WDR91: variants seen among roughly 807,000 people sequenced by gnomAD.
The protein encoded by WDR91 is WD repeat domain 91.
Under a neutral mutation model 88.4 loss-of-function variants are expected in WDR91, and 52 were observed. That is an observed-to-expected ratio of 0.59 (90% CI 0.47 to 0.74). The LOEUF is 0.74. Among genes scored for constraint, WDR91 ranks in the 30% least tolerant of loss-of-function variants. The pLI, the probability that WDR91 is intolerant of heterozygous loss-of-function variation, is 0.00. For missense variants in WDR91, 824 were observed against 954.5 expected (o/e 0.86, Z 1.80); for synonymous variants, 362 against 389.5 (o/e 0.93, Z 0.83).
chr7:135,193,923 G>A, intron 9 of WDR91: 1 of 463,998 alleles, frequency 2.2e-6, no homozygotes, highest in South Asian at 2.3e-5. Flanking sequence ...GCGTCACCTT[G>A]GACACATATG....
chr7:135,191,383 G>A (rs1169321087), intron 11 of WDR91, among the ~76,000 whole-genome samples: 1 of 152,110 alleles, frequency 6.6e-6, no homozygotes, highest in Non-Finnish European at 1.5e-5. Flanking sequence ...CCAGGTGGGT[G>A]GATCACCTGA....
At chr7:135,200,530 C>T (rs201069616) in intron 6 of WDR91, among the ~76,000 whole-genome samples, 25 of 152,294 alleles carry the variant, frequency 1.6e-4, no homozygotes, top group African/African-American at 5.1e-4. Context: ...CCCAGCACCA[C>T]GCCTCGCATA....
At chr7:135,202,904 T>G (rs142509) in intron 6 of WDR91, among the ~76,000 whole-genome samples, 103,462 of 152,038 alleles carry the variant, frequency 0.68, 35,925 homozygotes, top group Admixed American at 0.79. Context: ...ATTACAGTTT[T>G]TTTGCATTAA....
In WDR91 at chr7:135,209,909, C is replaced by T. The variant is rs908310377; in HGVS notation, c.124-154G>A. ...AAATTTTCAAAACATACTAATGCAA[C>T]GGTTTTTCAGTAATTTTCTGATGTT... On this transcript the variant is annotated intron_variant, in intron 1 of 14. Transcript: ENST00000354475. The T allele has an allele frequency of 5.7e-5, 32 of 558,826 alleles. No individual in the cohort carries two copies. In the Middle Eastern group the frequency reaches 1.5e-3, roughly 26 times the overall value. The allele number at this position is 558,826 out of a possible 1,614,324, so 34.6% of individuals were successfully genotyped here. A position where few individuals can be genotyped will look rare whatever the true frequency, so the allele number is the denominator to read the frequency against.
chr7:135,190,500 T>C (rs1383288360), intron 11 of WDR91, among the ~76,000 whole-genome samples: 5 of 146,600 alleles, frequency 3.4e-5, no homozygotes, highest in Non-Finnish European at 1.5e-5. Context: ...AACAGGAAAA[T>C]AAGGCAAAAG....
In WDR91 at chr7:135,196,381, C is replaced by T. The variant is rs1213417438; in HGVS notation, c.1051-44G>A. On this transcript the variant is annotated intron_variant, in intron 7 of 14. Transcript: ENST00000354475. The surrounding 1 kb of genome is among the most constrained non-coding windows in gnomAD (Gnocchi z 4.2). ...GGACAAGTCAGCCAGGAAAGGGTCC[C>T]CCACACCAGGGTGTACACCGCAGGG... is the stretch of plus-strand genomic sequence containing the variant. 1.4e-6 allele frequency: 2 copies of T among 1,478,350 alleles called. No homozygotes were observed. Among genetic ancestry groups the T allele is most frequent in the Admixed American group, 4.5e-5 (2 of 44,040 alleles). 91.6% of individuals were successfully genotyped at this position (1,478,350 alleles called of 1,614,324 possible).
intron 9 of WDR91, among the ~76,000 whole-genome samples, chr7:135,194,537 T>A (rs1562949274): frequency 6.6e-6 from 1 of 152,190 alleles, no homozygotes; most frequent in Non-Finnish European, 1.5e-5. Flanking sequence ...ATAAGACCCA[T>A]GGGAACCACA....
chr7:135,206,550 A>G (rs1293465871), intron 4 of WDR91, among the ~76,000 whole-genome samples: 1 of 152,150 alleles, frequency 6.6e-6, no homozygotes, highest in Non-Finnish European at 1.5e-5. Flanking sequence ...TTTCCTAACA[A>G]TATCACCTAA....
chr7:135,192,513 A>AGT (rs1191908323), intron 11 of WDR91, among the ~76,000 whole-genome samples: 1 of 152,146 alleles, frequency 6.6e-6, no homozygotes, highest in Non-Finnish European at 1.5e-5. Flanking sequence ...CAAGAATTCG[A>AGT]GTGTGACCCT....
At chr7:135,208,440 G>A (rs75556170) in intron 3 of WDR91, among the ~76,000 whole-genome samples, 3,916 of 152,180 alleles carry the variant, frequency 0.026, 92 homozygotes, top group Non-Finnish European at 0.035. Flanking sequence ...CCGGGAACAC[G>A]TTTCATGCAC....
At position 135,198,048 on chromosome 7, in the gene WDR91, C is replaced by T. The variant is rs758348350; in HGVS notation, c.995G>A (p.Arg332His). ...CCTCTCCTTGCCATGGTCCTGCAGGCGCCGCTGCCGGTGCTGTGACCAACC... is the reference window on the plus strand; with the variant it reads ...CCTCTCCTTGCCATGGTCCTGCAGGTGCCGCTGCCGGTGCTGTGACCAACC... ...ESGWSQHRQR[R>H]LQDHGKERKE... Residue 332 changes from arginine (R) to histidine (H), a missense_variant, in exon 7 of 15, where the codon CGC (arginine) becomes CAC (histidine). Arg to His is a conservative substitution (Grantham distance 29). Coordinates refer to ENST00000354475, the MANE Select transcript of WDR91 (RefSeq NM_014149.4). 25 of 1,614,162 alleles carry T rather than the reference C, an allele frequency of 1.5e-5. No homozygotes were observed. The highest frequency in any genetic ancestry group is 1.9e-5 in the Non-Finnish European group (22 of 1,180,024).
In WDR91 at chr7:135,196,219, A is replaced by G. The variant is rs1369794625; in HGVS notation, c.1169T>C (p.Val390Ala). The change falls in exon 8 of 15, where the codon GTC (valine) becomes GCC (alanine). Residue 390 changes from valine to alanine, a missense_variant. Transcript: ENST00000354475. This position sits in a 1 kb window ranked among gnomAD's most constrained non-coding sequence, Gnocchi z 4.2. ...CACAATAAAGGGCTGCTCGGGGCGG[A>G]CTCCTCCACCCTCAGGGCCTGCCGA... Reference protein sequence around the residue: ...ASSAGPEGGGVRPEQPFIVLG... With the variant: ...ASSAGPEGGGARPEQPFIVLG... The G allele has an allele frequency of 1.2e-6, 2 of 1,610,304 alleles. No homozygotes were observed. Among genetic ancestry groups the G allele is most frequent in the Non-Finnish European group, 1.7e-6 (2 of 1,178,280 alleles).
chr7:135,191,765 T>C (rs921945953), intron 11 of WDR91, among the ~76,000 whole-genome samples: 2 of 152,236 alleles, frequency 1.3e-5, no homozygotes, highest in African/African-American at 2.4e-5. Context: ...GTGCTCACTG[T>C]ACTGCTTTTC....
Position 135,205,489 on chromosome 7 carries a change from G to A in WDR91, c.725+439C>T, listed in dbSNP as rs576903707. On this transcript the variant is annotated intron_variant, in intron 5 of 14. Coordinates refer to ENST00000354475, the MANE Select transcript of WDR91 (RefSeq NM_014149.4). ...GCTCTGAAGCAAGGCTGGACACGGTGGCTCACGCCTGTAATCCCAGCACTT... is the reference window on the plus strand; with the variant it reads ...GCTCTGAAGCAAGGCTGGACACGGTAGCTCACGCCTGTAATCCCAGCACTT... Among the ~76,000 whole-genome samples, 4 of 152,332 alleles carry A rather than the reference G, an allele frequency of 2.6e-5. No individual in the cohort carries two copies. In the South Asian group the frequency reaches 6.2e-4, roughly 24 times the overall value.
chr7:135,204,376 G>C lies in WDR91; in HGVS notation c.783C>G (p.Phe261Leu), dbSNP rs1831685185. The part of the protein sequence containing the change: ...ASLSQSPRVG[F>L]LSSLLPQSKK... ...TACTCTGAGGCAGCAGCGAGGACAG[G>C]AAGCCCACACGAGGTGACTGGGAGA... The change falls in exon 6 of 15, where the codon TTC (phenylalanine) becomes TTG (leucine). Residue 261 changes from phenylalanine (F) to leucine (L), a missense_variant. Phe to Leu is a conservative substitution (Grantham distance 22, BLOSUM62 0). Transcript: ENST00000354475. 1 of 1,614,210 alleles carries C rather than the reference G, an allele frequency of 6.2e-7. No individual in the cohort carries two copies. The highest frequency in any genetic ancestry group is 8.5e-7 in the Non-Finnish European group (1 of 1,180,032).
Position 135,183,874 on chromosome 7 carries a change from C to T in WDR91, c.*2277G>A, listed in dbSNP as rs148298258. On this transcript the variant is annotated 3_prime_UTR_variant, in exon 15 of 15. Transcript: ENST00000354475. ...CATGCTTTATTTGAGGACGAGCGCT[C>T]ACCCGGGATGGAGTAAGAAGTGGGA... The T allele has an allele frequency of 6.6e-6, 1 of 152,128 alleles. No homozygotes were observed. Among genetic ancestry groups the T allele is most frequent in the East Asian group, 1.9e-4 (1 of 5,166 alleles). 9.4% of individuals were successfully genotyped at this position (152,128 alleles called of 1,614,324 possible). A position where few individuals can be genotyped will look rare whatever the true frequency, so the allele number is the denominator to read the frequency against.
At chr7:135,199,188 C>T (rs956987650) in intron 6 of WDR91, 2 of 152,130 alleles carry the variant, frequency 1.3e-5, no homozygotes, top group African/African-American at 4.8e-5. Flanking sequence ...AACATGGATT[C>T]CTTGGAATCC....
In WDR91 at chr7:135,209,726, C is replaced by G; in HGVS notation, c.153G>C (p.Gln51His). Residue 51 changes from glutamine (Q) to histidine (H), a missense_variant, in exon 2 of 15, where the codon CAG becomes CAC. Physicochemically the swap from Gln to His is conservative, Grantham distance 24. Coordinates refer to ENST00000354475, the MANE Select transcript of WDR91 (RefSeq NM_014149.4). ...CAGCCAAGTCATACACCTGCATTAA[C>G]TGCTGCAGCTGGTCCACAATCTTAT... ...RVDKIVDQLQQLMQVYDLAAL... is the reference protein window; with the variant it reads ...RVDKIVDQLQHLMQVYDLAAL... 1 of 1,607,058 alleles carries G rather than the reference C, an allele frequency of 6.2e-7. No individual in the cohort carries two copies. Among genetic ancestry groups the G allele is most frequent in the African/African-American group, 1.3e-5 (1 of 74,720 alleles).
rs747777036 is a variant in WDR91, at chr7:135,211,508, C to T, written c.-6G>A. 17 of 1,609,338 alleles carry T rather than the reference C, an allele frequency of 1.1e-5. No homozygotes were observed. The highest frequency in any genetic ancestry group is 2.2e-5 in the South Asian group (2 of 90,852). On this transcript the variant is annotated 5_prime_UTR_variant, in exon 1 of 15. Transcript: ENST00000354475. ...CGCTCCACGGCCTCCGCCATCGCAG[C>T]GCTAGCGTCTTTAGGGGTGGTGCGG...
Sources: gnomAD v4.1 joint callset for allele counts (sites outside exome capture counted in the v4.1 genomes callset) on GRCh38, gnomAD v4.1.1 for gene constraint, Gnocchi (gnomAD v3.1) non-coding constraint, MANE v1.5 for transcripts, NCBI Gene and HGNC (gene_info 2026-07-23, HGNC 2026-07-21) for gene names.